Variants in POLL observed in about 807,000 individuals in gnomAD.
POLL encodes the protein DNA polymerase beta-2.
A neutral mutation model predicts 58.1 loss-of-function variants in POLL; 44 were observed. That is an observed-to-expected ratio of 0.76 (90% CI 0.60 to 0.97). The LOEUF (loss-of-function observed/expected upper bound fraction) is 0.97, where lower values mean the gene tolerates loss of function less well. POLL is among the 50% of genes least tolerant of loss of function. The pLI, the probability that POLL is intolerant of heterozygous loss-of-function variation, is 0.00. For missense variants in POLL, 632 were observed against 736.8 expected, an observed-to-expected ratio of 0.86 and a Z score of 1.65; for synonymous variants, 290 against 283.2, an observed-to-expected ratio of 1.02 and a Z score of -0.24.
chr10:101,586,552 G>A (rs553907538), intron 2 of POLL, among the ~76,000 whole-genome samples: 1 of 152,292 alleles, frequency 6.6e-6, no homozygotes, highest in South Asian at 2.1e-4. Context: ...GGAGTACAGT[G>A]GCATCGTCTT....
In POLL at chr10:101,580,337, C is replaced by T. The variant is rs750273308; in HGVS notation, c.1274G>A (p.Cys425Tyr). The T allele has an allele frequency of 2.5e-6, 4 of 1,613,956 alleles. No homozygotes were observed. The highest frequency in any genetic ancestry group is 1.3e-5 in the African/African-American group (1 of 74,946). The change falls in exon 8 of 9, where the codon TGT becomes TAT. Residue 425 changes from cysteine to tyrosine, a missense_variant. Coordinates refer to ENST00000370162, the MANE Select transcript of POLL (RefSeq NM_001174084.2). The surrounding 1 kb of genome is among the most constrained non-coding windows in gnomAD (Gnocchi z 4.1). ...CGSYRRGKAT[C>Y]GDVDVLITHP... ...AGTGATGAGCACGTCGACATCACCA[C>T]AGGTCGCCTTTCCCCGTCGGTATGA...
intron 6 of POLL, 86 bp from the exon 7 acceptor site, chr10:101,582,977 GC>G: frequency 6.5e-7 from 1 of 1,542,102 alleles, no homozygotes; most frequent in Non-Finnish European, 9.0e-7. Flanking sequence ...GGCTTCCATC[GC>G]CCCAGACTCT....
Position 101,579,805 on chromosome 10 carries a change from T to C in POLL, c.1376A>G (p.Asp459Gly), listed in dbSNP as rs774747814. 9 of 1,612,770 alleles carry C rather than the reference T, an allele frequency of 5.6e-6. No homozygotes were observed. Among genetic ancestry groups the C allele is most frequent in the Non-Finnish European group, 6.8e-6 (8 of 1,179,488 alleles). Residue 459 changes from aspartate to glycine, a missense_variant, in exon 9 of 9, where the codon GAT (aspartate) becomes GGT (glycine). Coordinates refer to ENST00000370162, the MANE Select transcript of POLL (RefSeq NM_001174084.2). The surrounding 1 kb of genome is among the most constrained non-coding windows in gnomAD (Gnocchi z 4.4). Reference sequence around the variant, plus strand: ...ATTCTCCTCTTGGCTCACCAAGTCATCTGTGAGGAACCCTGGCCCAACAGA... The same window carrying C: ...ATTCTCCTCTTGGCTCACCAAGTCACCTGTGAGGAACCCTGGCCCAACAGA... Reference protein sequence around the residue: ...DSLRQEGFLTDDLVSQEENGQ... With the variant: ...DSLRQEGFLTGDLVSQEENGQ...
In POLL at chr10:101,582,863, C is replaced by T. The variant is rs749818905; in HGVS notation, c.1094G>A (p.Ser365Asn). The change falls in exon 7 of 9, where the codon AGC becomes AAC. Residue 365 changes from serine to asparagine, a missense_variant. By Grantham distance (46) the Ser-to-Asn change is conservative. Coordinates refer to ENST00000370162, the MANE Select transcript of POLL (RefSeq NM_001174084.2). ...QGFRSLEDIRSQASLTTQQAI... is the reference protein window; with the variant it reads ...QGFRSLEDIRNQASLTTQQAI... ...CTGCTGGGTTGTCAGGGAGGCCTGGCTGCGGATGTCTTCCAGACTTCGGAA... is the reference window on the plus strand; with the variant it reads ...CTGCTGGGTTGTCAGGGAGGCCTGGTTGCGGATGTCTTCCAGACTTCGGAA... The T allele has an allele frequency of 8.7e-6, 14 of 1,614,212 alleles. No individual in the cohort carries two copies. The highest frequency in any genetic ancestry group is 1.6e-4 in the Middle Eastern group (1 of 6,062).
In POLL at chr10:101,586,252, A is replaced by G. The variant is rs375810045; in HGVS notation, c.116-96T>C. The stretch of plus-strand genomic sequence containing the variant: ...CATAACTTCTAACATGATCTGAATG[A>G]CGTGTTCACAGTCCCCTACCCTGAA... On this transcript the variant is annotated intron_variant, in intron 2 of 8. Transcript: ENST00000370162. 16 of 1,080,380 alleles carry G rather than the reference A, an allele frequency of 1.5e-5. No individual in the cohort carries two copies. The South Asian group carries it at 1.8e-4, about 12-fold the overall frequency. The allele number at this position is 1,080,380 out of a possible 1,614,324, so 66.9% of individuals were successfully genotyped here. A position where few individuals can be genotyped will look rare whatever the true frequency, so the allele number is the denominator to read the frequency against.
chr10:101,580,704 T>G lies in POLL; in HGVS notation c.1195-288A>C. On this transcript the variant is annotated intron_variant, in intron 7 of 8. Transcript: ENST00000370162. This position sits in a 1 kb window ranked among gnomAD's most constrained non-coding sequence, Gnocchi z 4.1. ...ACTGAGCTTGCCCTGTGGAGCTCTT[T>G]AAGAGTAGGGAGACACAGACTCTCT... 1 of 334,214 alleles carries G rather than the reference T, an allele frequency of 3.0e-6. No individual in the cohort carries two copies. Among genetic ancestry groups the G allele is most frequent in the Non-Finnish European group, 5.5e-6 (1 of 182,134 alleles). The allele number at this position is 334,214 out of a possible 1,614,324, so 20.7% of individuals were successfully genotyped here.
At position 101,580,394 on chromosome 10, in the gene POLL, AAGG is replaced by A; in HGVS notation, c.1214_1216del (p.Ala405_Phe406delinsVal). On this transcript the variant is annotated inframe_deletion, in exon 8 of 9. Coordinates refer to ENST00000370162, the MANE Select transcript of POLL (RefSeq NM_001174084.2). The surrounding 1 kb of genome is among the most constrained non-coding windows in gnomAD (Gnocchi z 4.1). ...TGCCACACACAGCAGCCCAGAGTTA[AAGG>A]CCTGGGCTGCTTTCTGGACCTGGGA... is the stretch of plus-strand genomic sequence containing the variant. 1 of 1,613,696 alleles carries A rather than the reference AAGG, an allele frequency of 6.2e-7. No individual in the cohort carries two copies. Among genetic ancestry groups the A allele is most frequent in the African/African-American group, 1.3e-5 (1 of 75,004 alleles).
In POLL at chr10:101,579,730, C is replaced by G. The variant is rs200705693; in HGVS notation, c.1451G>C (p.Arg484Pro). The G allele has an allele frequency of 6.2e-7, 1 of 1,613,734 alleles. No homozygotes were observed. The highest frequency in any genetic ancestry group is 1.7e-5 in the Admixed American group (1 of 60,020). ...GATGATGTCCAGGCGCCGGTGCCGC[C>G]GCCCTGGCCCTGGGAGCCGGCACAC... ...LGVCRLPGPG[R>P]RHRRLDIIVV... is the part of the protein sequence containing the mutation. The change falls in exon 9 of 9, where the codon CGG becomes CCG. Residue 484 changes from arginine to proline, a missense_variant. Coordinates refer to ENST00000370162, the MANE Select transcript of POLL (RefSeq NM_001174084.2). The surrounding 1 kb of genome is among the most constrained non-coding windows in gnomAD (Gnocchi z 4.4).
rs1220129211 is a variant in POLL, at chr10:101,580,693, G to A, written c.1195-277C>T. The A allele has an allele frequency of 2.2e-5, 8 of 368,818 alleles. No homozygotes were observed. The highest frequency in any genetic ancestry group is 4.3e-5 in the Admixed American group (1 of 23,158). 22.8% of individuals were successfully genotyped at this position (368,818 alleles called of 1,614,324 possible). On this transcript the variant is annotated intron_variant, in intron 7 of 8. Coordinates refer to ENST00000370162, the MANE Select transcript of POLL (RefSeq NM_001174084.2). The surrounding 1 kb of genome is among the most constrained non-coding windows in gnomAD (Gnocchi z 4.1). ...TGAGAGTGGGCACTGAGCTTGCCCT[G>A]TGGAGCTCTTTAAGAGTAGGGAGAC...
In POLL at chr10:101,580,523, C is replaced by T; in HGVS notation, c.1195-107G>A. On this transcript the variant is annotated intron_variant, in intron 7 of 8. Coordinates refer to ENST00000370162, the MANE Select transcript of POLL (RefSeq NM_001174084.2). The surrounding 1 kb of genome is among the most constrained non-coding windows in gnomAD (Gnocchi z 4.1). The stretch of plus-strand genomic sequence containing the variant: ...CGGGCCCACACCCTCAGCTTATGCC[C>T]ATTCCAGATGCCTGCTGCAAGCCCA... The T allele has an allele frequency of 3.2e-6, 3 of 951,702 alleles. No individual in the cohort carries two copies. In the East Asian group the frequency reaches 7.5e-5, roughly 24 times the overall value. The allele number at this position is 951,702 out of a possible 1,614,324, so 59.0% of individuals were successfully genotyped here.
At chr10:101,581,332 A>C (rs2062975648) in intron 7 of POLL, 1 of 152,270 alleles carries the variant, frequency 6.6e-6, no homozygotes, top group Non-Finnish European at 1.5e-5. Flanking sequence ...CCAGGTGGGA[A>C]GCCTCTTTTG....
intron 4 of POLL, 62 bp downstream of exon 4, chr10:101,585,254 A>G (rs1187208535): frequency 1.4e-6 from 2 of 1,415,140 alleles, no homozygotes; most frequent in Non-Finnish European, 1.9e-6. Flanking sequence ...CACCAGGCCC[A>G]CCCCATTTCT....
chr10:101,584,683 C>T lies in POLL; in HGVS notation c.810G>A (p.Gln270=). The T allele has an allele frequency of 6.2e-7, 1 of 1,613,872 alleles. No homozygotes were observed. The highest frequency in any genetic ancestry group is 1.3e-5 in the African/African-American group (1 of 75,060). Residue 270 remains glutamine, a synonymous_variant, in exon 5 of 9, where the codon CAG becomes CAA. Coordinates refer to ENST00000370162, the MANE Select transcript of POLL (RefSeq NM_001174084.2). The stretch of plus-strand genomic sequence containing the variant: ...AGCCCAGGGCCCTCCACTTGTCTCC[C>T]TGAACACTGTAGGCTTTGGCCAGAA... ...LEVLAKAYSV[Q]GDKWRALGYA... is the part of the protein sequence containing the mutation.
In POLL at chr10:101,579,290, C is replaced by A. The variant is rs923319564; in HGVS notation, c.*163G>T. 71 of 770,998 alleles carry A rather than the reference C, an allele frequency of 9.2e-5. 1 individual carries two copies. In the African/African-American group the frequency reaches 1.0e-3, roughly 11 times the overall value. The allele number at this position is 770,998 out of a possible 1,614,324, so 47.8% of individuals were successfully genotyped here. ...CTGGGAGCCGGGCAGACACTGGGAGCCGGGCTGGCTCTTGCTTCAGGCCCA... is the reference window on the plus strand; with the variant it reads ...CTGGGAGCCGGGCAGACACTGGGAGACGGGCTGGCTCTTGCTTCAGGCCCA... On this transcript the variant is annotated 3_prime_UTR_variant, in exon 9 of 9. Transcript: ENST00000370162. This position sits in a 1 kb window ranked among gnomAD's most constrained non-coding sequence, Gnocchi z 4.4.
intron 6 of POLL, 170 bp downstream of exon 6, chr10:101,583,338 G>C: frequency 7.7e-6 from 5 of 647,188 alleles, no homozygotes; most frequent in Non-Finnish European, 1.3e-5. Context: ...TGTTCTGGGA[G>C]CTGAGGGGTC....
chr10:101,584,501 TCC>T, intron 5 of POLL, 99 bp downstream of exon 5: 1 of 781,772 alleles, frequency 1.3e-6, no homozygotes, highest in Non-Finnish European at 1.9e-6. Flanking sequence ...TTTGTGCAAG[TCC>T]TAGACCCCAT....
intron 5 of POLL, among the ~76,000 whole-genome samples, chr10:101,584,151 G>T (rs551786615): frequency 6.6e-6 from 1 of 152,046 alleles, no homozygotes; most frequent in Non-Finnish European, 1.5e-5. Flanking sequence ...TCAAACCCTG[G>T]TCTGTTAGGC....
Position 101,579,948 on chromosome 10 carries a change from C to T in POLL, c.1364-131G>A. 1 of 987,920 alleles carries T rather than the reference C, an allele frequency of 1.0e-6. No individual in the cohort carries two copies. The highest frequency in any genetic ancestry group is 1.5e-6 in the Non-Finnish European group (1 of 681,222). The allele number at this position is 987,920 out of a possible 1,614,324, so 61.2% of individuals were successfully genotyped here. The stretch of plus-strand genomic sequence containing the variant: ...GCTGGGTGACACTACCCTCTCTGGG[C>T]CCTTCTCCTTTTCTGTAAAACATGG... On this transcript the variant is annotated intron_variant, in intron 8 of 8. Transcript: ENST00000370162. The surrounding 1 kb of genome is among the most constrained non-coding windows in gnomAD (Gnocchi z 4.4).
chr10:101,586,007 T>C lies in POLL; in HGVS notation c.265A>G (p.Met89Val), dbSNP rs774291652. 1.2e-6 allele frequency: 2 copies of C among 1,614,090 alleles called. No individual in the cohort carries two copies. The highest frequency in any genetic ancestry group is 1.7e-6 in the Non-Finnish European group (2 of 1,180,020). ...AGGCGGAGGGCTCGCTCATAGTCCA[T>C]GCCTTCATCCACCACAATGTGAGTG... ...GVTHIVVDEG[M>V]DYERALRLLR... The change falls in exon 3 of 9, where the codon ATG (methionine) becomes GTG (valine). Residue 89 changes from methionine (M) to valine (V), a missense_variant. Transcript: ENST00000370162.
Sources: allele counts gnomAD v4.1 joint callset (sites outside exome capture counted in the v4.1 genomes callset), GRCh38; gene constraint gnomAD v4.1.1; non-coding constraint Gnocchi (gnomAD v3.1); transcripts MANE v1.5; gene names NCBI Gene and HGNC (gene_info 2026-07-23, HGNC 2026-07-21).